Variants in GRM3 observed in about 807,000 individuals in gnomAD.
GRM3 encodes glutamate metabotropic receptor 3.
In GRM3, 26 loss-of-function variants were observed where a neutral mutation model predicts 70.5. The observed-to-expected ratio is 0.37, with a 90% confidence interval of 0.27 to 0.51. The LOEUF (loss-of-function observed/expected upper bound fraction) is 0.51, where lower values mean the gene tolerates loss of function less well. GRM3 is among the 20% of genes least tolerant of loss of function. The pLI is 0.93. For missense variants in GRM3, 859 were observed against 1,123.8 expected, an observed-to-expected ratio of 0.76 and a Z score of 3.37; for synonymous variants, 443 against 434.9, an observed-to-expected ratio of 1.02 and a Z score of -0.23.
At chr7:86,706,116 T>C (rs1341517771) in intron 1 of GRM3, among the ~76,000 whole-genome samples, 2 of 145,588 alleles carry the variant, frequency 1.4e-5, no homozygotes, top group Non-Finnish European at 3.0e-5. Flanking sequence ...TGAAAATTAC[T>C]AAGAGACACA....
chr7:86,823,201 G>A (rs1268111329), intron 3 of GRM3, among the ~76,000 whole-genome samples: 1 of 152,140 alleles, frequency 6.6e-6, no homozygotes, highest in Non-Finnish European at 1.5e-5. Context: ...CATATTTGAG[G>A]TGCTGTTCAT....
chr7:86,857,150 T>G (rs564255695), intron 5 of GRM3, among the ~76,000 whole-genome samples: 2 of 151,634 alleles, frequency 1.3e-5, no homozygotes, highest in Non-Finnish European at 2.9e-5. Context: ...TTTTTTTAAG[T>G]TAAAAGCTTA....
In GRM3 at chr7:86,827,459, AAC is replaced by A. The variant is rs1205397922; in HGVS notation, c.1325-11376_1325-11375del. Among the ~76,000 whole-genome samples the A allele has an allele frequency of 4.6e-5, 7 of 152,332 alleles. No homozygotes were observed. In the East Asian group the frequency reaches 1.4e-3, roughly 29 times the overall value. ...GGTAAGCCACAGAGTAGATATTCAC[AAC>A]ACATATATCTGAAAAGTAGTCATAT... On this transcript the variant is annotated intron_variant, in intron 3 of 5. Coordinates refer to ENST00000361669, the MANE Select transcript of GRM3 (RefSeq NM_000840.3).
At chr7:86,647,565 G>T (rs1237683399) in intron 1 of GRM3, among the ~76,000 whole-genome samples, 1 of 152,134 alleles carries the variant, frequency 6.6e-6, no homozygotes, top group Non-Finnish European at 1.5e-5. Context: ...AAAGGAGTAC[G>T]TGTTTACTCA....
chr7:86,720,479 A>C (rs1795431266), intron 1 of GRM3, among the ~76,000 whole-genome samples: 1 of 152,074 alleles, frequency 6.6e-6, no homozygotes, highest in Non-Finnish European at 1.5e-5. Context: ...AGTGAATTTG[A>C]AACTGAAAGT....
chr7:86,712,600 T>C (rs532767782), intron 1 of GRM3, among the ~76,000 whole-genome samples: 5 of 152,142 alleles, frequency 3.3e-5, no homozygotes, highest in Admixed American at 6.6e-5. Context: ...TTTAAAACTG[T>C]ACATTTGTAT....
intron 5 of GRM3, among the ~76,000 whole-genome samples, chr7:86,854,191 A>G (rs1798806016): frequency 6.6e-6 from 1 of 152,206 alleles, no homozygotes; most frequent in Non-Finnish European, 1.5e-5. Flanking sequence ...AATCTCGTAT[A>G]ATACCAAGAA....
chr7:86,799,702 A>AT (rs113769985), intron 3 of GRM3, among the ~76,000 whole-genome samples: 8,160 of 151,354 alleles, frequency 0.054, 699 homozygotes, highest in African/African-American at 0.19. Flanking sequence ...AATTCTTTGT[A>AT]TTTTTTTTAG....
intron 1 of GRM3, among the ~76,000 whole-genome samples, chr7:86,763,514 A>G (rs1294342647): frequency 6.6e-6 from 1 of 152,186 alleles, no homozygotes; most frequent in Non-Finnish European, 1.5e-5. Flanking sequence ...ACTCCACACC[A>G]GAGTTTTGGA....
intron 2 of GRM3, among the ~76,000 whole-genome samples, chr7:86,776,770 T>C (rs1480368701): frequency 1.3e-5 from 2 of 152,206 alleles, no homozygotes; most frequent in African/African-American, 4.8e-5. Context: ...TACTAAACGA[T>C]GTGTTTCTAA....
chr7:86,767,556 TATAA>T (rs1455343960), intron 2 of GRM3, among the ~76,000 whole-genome samples: 50 of 121,006 alleles, frequency 4.1e-4, no homozygotes, highest in African/African-American at 1.2e-3. Flanking sequence ...TATATATATA[TATAA>T]ATGAAGTATG....
intron 2 of GRM3, among the ~76,000 whole-genome samples, chr7:86,771,951 T>C (rs1796754181): frequency 6.6e-6 from 1 of 152,112 alleles, no homozygotes; most frequent in South Asian, 2.1e-4. Context: ...TGCAGTGTTC[T>C]TCAGCTGTCT....
At chr7:86,752,419 G>T (rs1015970751) in intron 1 of GRM3, among the ~76,000 whole-genome samples, 8 of 152,104 alleles carry the variant, frequency 5.3e-5, no homozygotes, top group African/African-American at 1.9e-4. Context: ...AAGGCTTTGT[G>T]TTATTCTTAG....
intron 1 of GRM3, among the ~76,000 whole-genome samples, chr7:86,645,517 G>A (rs1426860295): frequency 1.3e-5 from 2 of 152,180 alleles, no homozygotes; most frequent in Admixed American, 1.3e-4. Flanking sequence ...CTGACAGTGA[G>A]ATAACTCAGA....
At chr7:86,773,186 G>C (rs372742490) in intron 2 of GRM3, among the ~76,000 whole-genome samples, 5 of 151,932 alleles carry the variant, frequency 3.3e-5, no homozygotes, top group African/African-American at 7.2e-5. Flanking sequence ...AGTGTCTACT[G>C]TTGCCGTCTT....
chr7:86,704,013 C>A (rs187551604), intron 1 of GRM3, among the ~76,000 whole-genome samples: 20 of 151,984 alleles, frequency 1.3e-4, no homozygotes, highest in Non-Finnish European at 7.4e-5. Context: ...TATTTTATCT[C>A]TTTCTGTTGG....
At chr7:86,760,425 A>G (rs1046936312) in intron 1 of GRM3, among the ~76,000 whole-genome samples, 1 of 152,126 alleles carries the variant, frequency 6.6e-6, no homozygotes, top group Non-Finnish European at 1.5e-5. Flanking sequence ...CGCATCACTC[A>G]TCATCCCCGA....
intron 1 of GRM3, among the ~76,000 whole-genome samples, chr7:86,716,950 G>A (rs1462064589): frequency 3.3e-5 from 5 of 151,832 alleles, no homozygotes; most frequent in African/African-American, 1.2e-4. Context: ...CTCTGGAGTT[G>A]GACTACCTGG....
intron 4 of GRM3, among the ~76,000 whole-genome samples, chr7:86,846,564 G>A (rs770278544): frequency 3.9e-5 from 6 of 152,138 alleles, no homozygotes; most frequent in Non-Finnish European, 8.8e-5. Context: ...GAATCCAAAT[G>A]GGGAGGAAAT....
Sources: gnomAD v4.1 joint callset for allele counts (sites outside exome capture counted in the v4.1 genomes callset) on GRCh38, gnomAD v4.1.1 for gene constraint, MANE v1.5 for transcripts, NCBI Gene and HGNC (gene_info 2026-07-23, HGNC 2026-07-21) for gene names.